The following CFAP54 variants were observed in gnomAD, a reference collection of about 807,000 sequenced individuals.
CFAP54 encodes the protein cilia and flagella associated protein 54.
CFAP54 carries 290 observed loss-of-function variants against 370.4 expected under a neutral mutation model. The observed-to-expected ratio is 0.78, with a 90% CI of 0.71 to 0.86. CFAP54 has a LOEUF of 0.86. CFAP54 is among the 40% of genes least tolerant of loss of function. The pLI is 0.00. For synonymous variants in CFAP54, 1,206 were observed against 1,236.5 expected (o/e 0.98, Z 0.52); for missense variants, 3,399 against 3,528.7 (o/e 0.96, Z 0.93).
chr12:96,784,874 T>A lies in CFAP54; in HGVS notation c.8439T>A (p.Asn2813Lys), dbSNP rs1958614258. ...RYYIHLQRINNLSKLLASATP... is the reference protein window; with the variant it reads ...RYYIHLQRINKLSKLLASATP... The stretch of plus-strand genomic sequence containing the variant: ...ATATTCACCTTCAGAGGATTAATAA[T>A]CTGAGCAAACTGCTAGGTAGGTTTT... The change falls in exon 61 of 68, where the codon AAT becomes AAA. Residue 2813 changes from asparagine (N) to lysine (K), a missense_variant. Physicochemically the swap from Asn to Lys is moderately conservative, Grantham distance 94 (BLOSUM62 0). Coordinates refer to ENST00000524981, the MANE Select transcript of CFAP54 (RefSeq NM_001306084.2). The A allele has an allele frequency of 1.3e-6, 2 of 1,521,348 alleles. No homozygotes were observed. Among genetic ancestry groups the A allele is most frequent in the Non-Finnish European group, 1.8e-6 (2 of 1,139,954 alleles). The allele number at this position is 1,521,348 out of a possible 1,614,324, so 94.2% of individuals were successfully genotyped here. A position where few individuals can be genotyped will look rare whatever the true frequency, so the allele number is the denominator to read the frequency against.
In CFAP54 at chr12:96,500,873, C is replaced by T; in HGVS notation, c.357C>T (p.Pro119=). The T allele has an allele frequency of 6.5e-7, 1 of 1,535,786 alleles. No individual in the cohort carries two copies. Among genetic ancestry groups the T allele is most frequent in the Non-Finnish European group, 8.7e-7 (1 of 1,146,690 alleles). ...TTAATATCTGGACTAAATACGCCCC[C>T]AGGCTGCCAGCAGACTATTACAACG... ...SLFNIWTKYA[P]RLPADYYNEK... Residue 119 remains proline (P), a synonymous_variant, in exon 2 of 68, where the codon CCC becomes CCT. Coordinates refer to ENST00000524981, the MANE Select transcript of CFAP54 (RefSeq NM_001306084.2).
chr12:96,758,122 C>T (rs1425321294), intron 58 of CFAP54, among the ~76,000 whole-genome samples: 1 of 152,140 alleles, frequency 6.6e-6, no homozygotes, highest in Non-Finnish European at 1.5e-5. Flanking sequence ...AACTTGGTCC[C>T]TGTTCTCATG....
At chr12:96,576,884 G>T in intron 20 of CFAP54, 123 bp downstream of exon 20, 2 of 761,858 alleles carry the variant, frequency 2.6e-6, no homozygotes, top group South Asian at 2.2e-5. Flanking sequence ...ACTGAACACT[G>T]GATTAATATT....
intron 1 of CFAP54, among the ~76,000 whole-genome samples, chr12:96,497,472 A>C (rs938747329): frequency 6.6e-5 from 10 of 152,192 alleles, no homozygotes; most frequent in Admixed American, 6.5e-4. Flanking sequence ...TCAGAAATAG[A>C]CTCACATAAA....
intron 62 of CFAP54, 141 bp from the exon 63 acceptor site, chr12:96,792,188 G>A (rs1958706149): frequency 1.4e-6 from 1 of 698,280 alleles, no homozygotes; most frequent in Non-Finnish European, 2.2e-6. Flanking sequence ...TCTGTAGTAA[G>A]CCAGGGTTAG....
chr12:96,551,098 G>T (rs1955688646), intron 15 of CFAP54, among the ~76,000 whole-genome samples: 1 of 152,034 alleles, frequency 6.6e-6, no homozygotes, highest in African/African-American at 2.4e-5. Flanking sequence ...GTGAAACCAT[G>T]ACTCTGCAAA....
chr12:96,833,802 A>C, intron 66 of CFAP54, among the ~76,000 whole-genome samples: 1 of 152,278 alleles, frequency 6.6e-6, no homozygotes, highest in South Asian at 2.1e-4. Flanking sequence ...TTCTACTGCT[A>C]GTAGTAATAT....
chr12:96,533,670 G>A (rs1955467645), intron 9 of CFAP54, 122 bp from the exon 10 acceptor site: 2 of 763,384 alleles, frequency 2.6e-6, no homozygotes, highest in South Asian at 2.6e-5. Context: ...TCCCCCACTA[G>A]AACGTAAATC....
At position 96,811,465 on chromosome 12, in the gene CFAP54, G is replaced by A. The variant is rs571545739; in HGVS notation, c.8851-271G>A. ...TACTTACTGTAGAGGGCCTTCAAAAGCTGAAATATAAACTTAATTGCAATA... is the reference window on the plus strand; with the variant it reads ...TACTTACTGTAGAGGGCCTTCAAAAACTGAAATATAAACTTAATTGCAATA... On this transcript the variant is annotated intron_variant, in intron 63 of 67. Coordinates refer to ENST00000524981, the MANE Select transcript of CFAP54 (RefSeq NM_001306084.2). Among the ~76,000 whole-genome samples, 4 of 152,176 alleles carry A rather than the reference G, an allele frequency of 2.6e-5. No individual in the cohort carries two copies. In the South Asian group the frequency reaches 8.3e-4, roughly 32 times the overall value.
intron 22 of CFAP54, among the ~76,000 whole-genome samples, chr12:96,584,223 G>A (rs1274006025): frequency 1.3e-5 from 2 of 152,000 alleles, no homozygotes; most frequent in Admixed American, 1.3e-4. Flanking sequence ...CAGCACTTTG[G>A]CAGGCTGAGG....
At chr12:96,733,172 A>C (rs910616279) in intron 50 of CFAP54, among the ~76,000 whole-genome samples, 1 of 152,178 alleles carries the variant, frequency 6.6e-6, no homozygotes, top group Non-Finnish European at 1.5e-5. Context: ...AACCTGCAAA[A>C]AACTTTGATG....
chr12:96,862,693 C>T (rs1245861760), intron 67 of CFAP54, among the ~76,000 whole-genome samples: 2 of 152,158 alleles, frequency 1.3e-5, no homozygotes, highest in Non-Finnish European at 2.9e-5. Context: ...AAAATTGTTG[C>T]ATGATGTCTA....
At chr12:96,635,595 G>A (rs1049443471) in intron 32 of CFAP54, among the ~76,000 whole-genome samples, 4 of 152,126 alleles carry the variant, frequency 2.6e-5, no homozygotes, top group South Asian at 2.1e-4. Context: ...CATACAGTTA[G>A]CAGCACATCC....
At chr12:96,496,186 C>T (rs895666196) in intron 1 of CFAP54, among the ~76,000 whole-genome samples, 26 of 152,124 alleles carry the variant, frequency 1.7e-4, no homozygotes, top group Non-Finnish European at 1.5e-5. Context: ...GCATTGTCTC[C>T]TTCACTCAAT....
intron 60 of CFAP54, among the ~76,000 whole-genome samples, chr12:96,767,861 T>C (rs1479691587): frequency 1.3e-5 from 2 of 152,184 alleles, no homozygotes; most frequent in African/African-American, 2.4e-5. Context: ...GATCTACACA[T>C]GAGGTGATGA....
At chr12:96,527,757 C>G (rs1039069930) in intron 9 of CFAP54, among the ~76,000 whole-genome samples, 1 of 151,806 alleles carries the variant, frequency 6.6e-6, no homozygotes, top group African/African-American at 2.4e-5. Context: ...TTTGTAGAGA[C>G]GGGGTCTCAC....
intron 26 of CFAP54, among the ~76,000 whole-genome samples, chr12:96,607,787 C>T (rs1407784137): frequency 1.3e-5 from 2 of 151,146 alleles, no homozygotes; most frequent in Non-Finnish European, 2.9e-5. Flanking sequence ...AATCAATTAG[C>T]TTCAGACTTT....
intron 60 of CFAP54, among the ~76,000 whole-genome samples, chr12:96,767,055 A>G (rs1297134566): frequency 6.6e-6 from 1 of 152,204 alleles, no homozygotes; most frequent in African/African-American, 2.4e-5. Flanking sequence ...ACCAAATCAC[A>G]CAAATGCATT....
chr12:96,842,738 C>T (rs770578089), intron 66 of CFAP54, among the ~76,000 whole-genome samples: 59 of 152,160 alleles, frequency 3.9e-4, no homozygotes, highest in Middle Eastern at 3.2e-3. Context: ...CTTCTGCCTA[C>T]TACTACCCTT....
Sources: allele counts gnomAD v4.1 joint callset (sites outside exome capture counted in the v4.1 genomes callset), GRCh38; gene constraint gnomAD v4.1.1; transcripts MANE v1.5; gene names NCBI Gene and HGNC (gene_info 2026-07-23, HGNC 2026-07-21).